NDST3: variants seen among roughly 807,000 people sequenced by gnomAD.
NDST3 encodes the protein bifunctional heparan sulfate N-deacetylase/N-sulfotransferase 3.
Under a neutral mutation model 96.1 loss-of-function variants are expected in NDST3, and 58 were observed. The ratio of observed to expected loss-of-function variants is 0.60; its 90% CI spans 0.49 to 0.75. The LOEUF (loss-of-function observed/expected upper bound fraction) is 0.75. Among genes scored for constraint, NDST3 ranks in the 30% least tolerant of loss-of-function variants. The pLI is 0.00. For synonymous variants in NDST3, 333 were observed against 359.7 expected (o/e 0.93, Z 0.84); for missense variants, 788 against 1,034.2 (o/e 0.76, Z 3.27).
chr4:118,112,551 T>C (rs1426540000), intron 3 of NDST3, among the ~76,000 whole-genome samples: 1 of 152,202 alleles, frequency 6.6e-6, no homozygotes, highest in Non-Finnish European at 1.5e-5. Context: ...TAATACAGTG[T>C]CCTGGAGACT....
chr4:118,117,092 G>T (rs979259660), intron 4 of NDST3, among the ~76,000 whole-genome samples: 1 of 152,134 alleles, frequency 6.6e-6, no homozygotes. Flanking sequence ...AAGCAGAAGA[G>T]AGTAGTTGTA....
intron 6 of NDST3, among the ~76,000 whole-genome samples, chr4:118,220,623 A>AAG (rs1207025132): frequency 6.6e-6 from 1 of 152,058 alleles, no homozygotes; most frequent in Non-Finnish European, 1.5e-5. Flanking sequence ...AATTAAAAAA[A>AAG]TAAAATAAAC....
At chr4:118,216,953 C>G (rs1252166726) in intron 6 of NDST3, among the ~76,000 whole-genome samples, 2 of 152,024 alleles carry the variant, frequency 1.3e-5, no homozygotes, top group African/African-American at 4.8e-5. Flanking sequence ...CCCATGCCAG[C>G]CCCCAAGGAA....
chr4:118,212,743 A>C (rs1738887241), intron 6 of NDST3, among the ~76,000 whole-genome samples: 1 of 152,146 alleles, frequency 6.6e-6, no homozygotes, highest in African/African-American at 2.4e-5. Context: ...ATACATGAGG[A>C]AAGAACCAAA....
chr4:118,110,253 A>C (rs1408324620), intron 3 of NDST3, among the ~76,000 whole-genome samples: 2 of 152,236 alleles, frequency 1.3e-5, no homozygotes, highest in African/African-American at 4.8e-5. Context: ...CAATGAGAAG[A>C]GCAATGTTAT....
intron 6 of NDST3, among the ~76,000 whole-genome samples, chr4:118,196,497 A>T (rs1436454937): frequency 6.6e-6 from 1 of 151,970 alleles, no homozygotes; most frequent in Non-Finnish European, 1.5e-5. Flanking sequence ...TTACAGGGAG[A>T]TTTTTAATTA....
intron 6 of NDST3, among the ~76,000 whole-genome samples, chr4:118,182,748 T>C (rs1736686558): frequency 6.6e-6 from 1 of 152,084 alleles, no homozygotes; most frequent in South Asian, 2.1e-4. Context: ...CAAAAGAGAA[T>C]CTCAGGATAT....
At chr4:118,062,180 T>C (rs1231889748) in intron 2 of NDST3, among the ~76,000 whole-genome samples, 1 of 152,186 alleles carries the variant, frequency 6.6e-6, no homozygotes, top group African/African-American at 2.4e-5. Context: ...TTTAAAGACT[T>C]CCTTCAATGA....
intron 4 of NDST3, among the ~76,000 whole-genome samples, chr4:118,132,738 G>A (rs745610956): frequency 6.6e-6 from 1 of 152,162 alleles, no homozygotes; most frequent in Non-Finnish European, 1.5e-5. Flanking sequence ...TATCACTGAT[G>A]GTTATTCAGG....
At chr4:118,200,631 A>G (rs1174045882) in intron 6 of NDST3, among the ~76,000 whole-genome samples, 1 of 152,210 alleles carries the variant, frequency 6.6e-6, no homozygotes, top group African/African-American at 2.4e-5. Context: ...GCAAAAAGAT[A>G]AGCGGATTTA....
At chr4:118,131,316 C>T (rs1578696695) in intron 4 of NDST3, among the ~76,000 whole-genome samples, 3 of 151,622 alleles carry the variant, frequency 2.0e-5, no homozygotes, top group East Asian at 2.0e-4. Context: ...TGTGTATTTT[C>T]AAATAGGCTG....
chr4:118,124,162 T>C (rs1323946835), intron 4 of NDST3, among the ~76,000 whole-genome samples: 1 of 152,126 alleles, frequency 6.6e-6, no homozygotes, highest in Admixed American at 6.6e-5. Flanking sequence ...ATGTAATATC[T>C]AATATGTATA....
At chr4:118,123,056 T>G (rs1240619063) in intron 4 of NDST3, among the ~76,000 whole-genome samples, 3 of 152,202 alleles carry the variant, frequency 2.0e-5, no homozygotes, top group Non-Finnish European at 4.4e-5. Flanking sequence ...TGTTATTACT[T>G]CTTTAAGGAA....
intron 4 of NDST3, among the ~76,000 whole-genome samples, chr4:118,135,630 G>T (rs1461003948): frequency 6.6e-6 from 1 of 152,116 alleles, no homozygotes; most frequent in African/African-American, 2.4e-5. Context: ...CCATGCAGTT[G>T]GTGAATGAGA....
chr4:118,199,341 C>A (rs376902064), intron 6 of NDST3, among the ~76,000 whole-genome samples: 1 of 152,064 alleles, frequency 6.6e-6, no homozygotes, highest in Non-Finnish European at 1.5e-5. Flanking sequence ...TGCTATTGAA[C>A]GAGTCTGATG....
chr4:118,101,299 G>T (rs1729742526), intron 2 of NDST3, among the ~76,000 whole-genome samples: 1 of 147,310 alleles, frequency 6.8e-6, no homozygotes, highest in Non-Finnish European at 1.5e-5. Flanking sequence ...CTTTAAATTA[G>T]TTCTTTTTTG....
chr4:118,067,959 G>A (rs116280033), intron 2 of NDST3, among the ~76,000 whole-genome samples: 1 of 151,698 alleles, frequency 6.6e-6, no homozygotes, highest in Non-Finnish European at 1.5e-5. Flanking sequence ...AAAAAGAAAA[G>A]AAATTGACAC....
intron 9 of NDST3, among the ~76,000 whole-genome samples, chr4:118,236,480 A>G (rs1010553342): frequency 6.6e-6 from 1 of 152,248 alleles, no homozygotes; most frequent in Non-Finnish European, 1.5e-5. Context: ...AAAGAGGAAC[A>G]TAAGTGGCTC....
intron 9 of NDST3, among the ~76,000 whole-genome samples, chr4:118,235,629 A>G (rs528392591): frequency 6.6e-6 from 1 of 152,332 alleles, no homozygotes; most frequent in East Asian, 1.9e-4. Context: ...GTTTGAGTCA[A>G]GCTTGGACCA....
Sources: allele counts gnomAD v4.1 joint callset (sites outside exome capture counted in the v4.1 genomes callset), GRCh38; gene constraint gnomAD v4.1.1; transcripts MANE v1.5; gene names NCBI Gene and HGNC (gene_info 2026-07-23, HGNC 2026-07-21).